The following COL15A1 variants were observed in gnomAD, a reference collection of about 807,000 sequenced individuals.
COL15A1 encodes the protein collagen alpha-1(XV) chain.
A neutral mutation model predicts 165.9 loss-of-function variants in COL15A1; 111 were observed. That is an observed-to-expected ratio of 0.67 (90% CI 0.57 to 0.78). The LOEUF (loss-of-function observed/expected upper bound fraction) is 0.78, where lower values mean the gene tolerates loss of function less well. Ranked by LOEUF, COL15A1 falls within the 30% of genes least tolerant of loss-of-function variation. The pLI, the probability that COL15A1 is intolerant of heterozygous loss-of-function variation, is 0.00. For missense variants in COL15A1, 1,745 were observed against 1,789.7 expected, an observed-to-expected ratio of 0.98 and a Z score of 0.45; for synonymous variants, 659 against 674.8, an observed-to-expected ratio of 0.98 and a Z score of 0.36.
chr9:99,031,992 G>A (rs1217414564), intron 16 of COL15A1, among the ~76,000 whole-genome samples: 1 of 151,966 alleles, frequency 6.6e-6, no homozygotes, highest in African/African-American at 2.4e-5. Flanking sequence ...ATTTGCCCTT[G>A]ATGATTTGAA....
intron 2 of COL15A1, 133 bp from the exon 3 acceptor site, chr9:98,985,432 A>C: frequency 1.1e-6 from 1 of 914,264 alleles, no homozygotes; most frequent in African/African-American, 1.7e-5. Context: ...CGTTTGAAAA[A>C]CAACCATTTA....
At chr9:99,028,869 G>C (rs1372189865) in intron 16 of COL15A1, among the ~76,000 whole-genome samples, 1 of 152,136 alleles carries the variant, frequency 6.6e-6, no homozygotes, top group East Asian at 1.9e-4. Context: ...TTTTTTAAAT[G>C]ATACCTCAAA....
intron 5 of COL15A1, among the ~76,000 whole-genome samples, chr9:98,994,422 C>A (rs1838508950): frequency 6.6e-6 from 1 of 152,158 alleles, no homozygotes; most frequent in South Asian, 2.1e-4. Context: ...TTCTGCCTGG[C>A]AAGTTCCTAC....
At chr9:98,974,424 C>G (rs1254817656) in intron 2 of COL15A1, among the ~76,000 whole-genome samples, 2 of 152,114 alleles carry the variant, frequency 1.3e-5, no homozygotes, top group African/African-American at 4.8e-5. Context: ...TAGGGGTGTC[C>G]AAAGGGAAGG....
intron 2 of COL15A1, among the ~76,000 whole-genome samples, chr9:98,970,728 G>A (rs1374437138): frequency 6.6e-6 from 1 of 152,108 alleles, no homozygotes; most frequent in Non-Finnish European, 1.5e-5. Flanking sequence ...GTGGGTTAGT[G>A]TGTGGGACAG....
At chr9:99,028,554 G>A (rs1433593741) in intron 16 of COL15A1, among the ~76,000 whole-genome samples, 1 of 152,120 alleles carries the variant, frequency 6.6e-6, no homozygotes, top group South Asian at 2.1e-4. Context: ...GGGAGGCTGA[G>A]GTGGGAGAAT....
At chr9:99,049,348 G>A (rs1244180680) in intron 28 of COL15A1, among the ~76,000 whole-genome samples, 1 of 152,214 alleles carries the variant, frequency 6.6e-6, no homozygotes, top group African/African-American at 2.4e-5. Flanking sequence ...GGGAGCCTTA[G>A]GCTCAGTATC....
chr9:99,044,689 TTGTTTC>T, intron 25 of COL15A1, 40 bp from the exon 26 acceptor site: 1 of 1,612,912 alleles, frequency 6.2e-7, no homozygotes, highest in Non-Finnish European at 8.5e-7. Flanking sequence ...CTTTGCATCT[TTGTTTC>T]TGTCCCAAAC....
intron 14 of COL15A1, among the ~76,000 whole-genome samples, chr9:99,024,385 C>T (rs1839086335): frequency 6.7e-6 from 1 of 149,526 alleles, no homozygotes; most frequent in East Asian, 2.0e-4. Flanking sequence ...GGTTTACTTA[C>T]TCCATTCTCC....
At chr9:98,981,632 C>T (rs934386644) in intron 2 of COL15A1, among the ~76,000 whole-genome samples, 1 of 152,218 alleles carries the variant, frequency 6.6e-6, no homozygotes, top group African/African-American at 2.4e-5. Context: ...GTTAGAAACA[C>T]GTATCGAGTG....
intron 21 of COL15A1, 61 bp from the exon 22 acceptor site, chr9:99,038,607 C>T: frequency 9.5e-7 from 1 of 1,054,902 alleles, no homozygotes; most frequent in Non-Finnish European, 1.5e-6. Context: ...GCTTTGCTGC[C>T]AGGAACAAGG....
intron 41 of COL15A1, 76 bp from the exon 42 acceptor site, chr9:99,069,597 T>G: frequency 6.5e-7 from 1 of 1,549,194 alleles, no homozygotes; most frequent in Non-Finnish European, 8.8e-7. Flanking sequence ...TCATTAGACT[T>G]ATGCCAATTT....
chr9:99,049,720 C>T lies in COL15A1; in HGVS notation c.2824C>T (p.Pro942Ser), dbSNP rs773240681. ...GPPGLPGPPG[P>S]PGPPGAVINI... ...ACCTGGCTTACCTGGCCCTCCAGGC[C>T]CCCCTGGGCCACCTGGAGCTGTGAT... Residue 942 changes from proline (P) to serine (S), a missense_variant, in exon 29 of 42, where the codon CCC (proline) becomes TCC (serine). Pro to Ser is a moderately conservative substitution (Grantham distance 74). Coordinates refer to ENST00000375001, the MANE Select transcript of COL15A1 (RefSeq NM_001855.5). 29 of 1,613,960 alleles carry T rather than the reference C, an allele frequency of 1.8e-5. 1 individual carries two copies. In the South Asian group the frequency reaches 3.2e-4, roughly 18 times the overall value.
intron 2 of COL15A1, among the ~76,000 whole-genome samples, chr9:98,961,406 A>G (rs1837863484): frequency 6.6e-6 from 1 of 152,202 alleles, no homozygotes; most frequent in African/African-American, 2.4e-5. Context: ...GGGTGTCAGG[A>G]GAGTCTCCCC....
At chr9:98,991,852 G>A (rs1838439069) in intron 5 of COL15A1, among the ~76,000 whole-genome samples, 1 of 151,750 alleles carries the variant, frequency 6.6e-6, no homozygotes, top group African/African-American at 2.4e-5. Context: ...AGACACAAGA[G>A]TGCTGATTGG....
chr9:99,050,506 C>A (rs545260635), intron 30 of COL15A1, among the ~76,000 whole-genome samples: 110 of 152,182 alleles, frequency 7.2e-4, no homozygotes, highest in Non-Finnish European at 1.4e-3. Flanking sequence ...ACTTGCCCGG[C>A]CCCCCAGCCA....
chr9:98,987,430 G>A, intron 4 of COL15A1, 62 bp downstream of exon 4: 2 of 1,469,296 alleles, frequency 1.4e-6, no homozygotes, highest in Non-Finnish European at 9.3e-7. Context: ...CCTGGGGAGG[G>A]CTGGATGCCC....
At chr9:99,016,635 A>G (rs1564058020) in intron 11 of COL15A1, among the ~76,000 whole-genome samples, 1 of 152,264 alleles carries the variant, frequency 6.6e-6, no homozygotes. Flanking sequence ...GAACGTTTAC[A>G]AAGCTCTGTA....
chr9:99,008,232 G>A (rs1341300213), intron 9 of COL15A1, among the ~76,000 whole-genome samples: 1 of 152,104 alleles, frequency 6.6e-6, no homozygotes, highest in East Asian at 1.9e-4. Flanking sequence ...TTGGGTGAAG[G>A]CCTCACCTTG....
Sources: gnomAD v4.1 joint callset for allele counts (sites outside exome capture counted in the v4.1 genomes callset) on GRCh38, gnomAD v4.1.1 for gene constraint, MANE v1.5 for transcripts, NCBI Gene and HGNC (gene_info 2026-07-23, HGNC 2026-07-21) for gene names.